GCFC2: variants seen among roughly 807,000 people sequenced by gnomAD.
The protein encoded by GCFC2 is GC-rich sequence DNA-binding factor 2, also known as intron Large complex component GCFC2.
GCFC2 carries 102 observed loss-of-function variants against 99.4 expected under a neutral mutation model. The observed-to-expected ratio is 1.03, with a 90% CI of 0.87 to 1.21. The LOEUF is 1.21. Among genes scored for constraint, GCFC2 ranks in the 50% most tolerant of loss-of-function variants. The pLI is 0.00. For synonymous variants in GCFC2, 338 were observed against 316.8 expected (o/e 1.07, Z -0.71); for missense variants, 973 against 920.9 (o/e 1.06, Z -0.73).
chr2:75,664,829 G>A (rs879379302), intron 16 of GCFC2, 46 bp from the exon 17 acceptor site: 1 of 852,502 alleles, frequency 1.2e-6, no homozygotes, highest in Non-Finnish European at 2.0e-6. Flanking sequence ...CAATGTATGA[G>A]GGAACAGCGG....
rs1311489806 is a variant in GCFC2, at chr2:75,701,294, G to GA, written c.620-8dup. ...GTTTCTTCATTTCTGCTTACTAGCGGAAAAAAAGCTCACATGTAAACGTTT... is the reference window on the plus strand; with the variant it reads ...GTTTCTTCATTTCTGCTTACTAGCGGAAAAAAAAGCTCACATGTAAACGTTT... On this transcript the variant is annotated splice_region_variant and splice_polypyrimidine_tract_variant and intron_variant, in intron 3 of 16. Transcript: ENST00000321027. The GA allele has an allele frequency of 2.6e-6, 4 of 1,537,824 alleles. No individual in the cohort carries two copies. Among genetic ancestry groups the GA allele is most frequent in the Non-Finnish European group, 3.6e-6 (4 of 1,113,220 alleles).
intron 15 of GCFC2, among the ~76,000 whole-genome samples, chr2:75,666,310 T>G (rs1055089660): frequency 1.3e-5 from 2 of 152,204 alleles, no homozygotes; most frequent in African/African-American, 4.8e-5. Context: ...TTCTATATTC[T>G]TGTATTTGTG....
At chr2:75,687,755 A>G (rs1679882629) in intron 11 of GCFC2, 72 bp downstream of exon 11, 8 of 1,168,028 alleles carry the variant, frequency 6.8e-6, no homozygotes, top group South Asian at 2.7e-5. Context: ...CTTTGTGAAT[A>G]TAACAGAAAT....
rs2104401746 is a variant in GCFC2, at chr2:75,702,044, T to C, written c.619+155A>G. On this transcript the variant is annotated intron_variant, in intron 3 of 16. Transcript: ENST00000321027. The stretch of plus-strand genomic sequence containing the variant: ...AATAACATTTTGATACAGATACATC[T>C]TTTAGAGGTCACAATATCATGGACC... 1.2e-5 allele frequency: 17 copies of C among 1,429,616 alleles called. No individual in the cohort carries two copies. The South Asian group carries it at 2.5e-4, about 21-fold the overall frequency. 88.6% of individuals were successfully genotyped at this position (1,429,616 alleles called of 1,614,324 possible). A position where few individuals can be genotyped will look rare whatever the true frequency, so the allele number is the denominator to read the frequency against.
intron 11 of GCFC2, among the ~76,000 whole-genome samples, chr2:75,685,545 T>A (rs919279941): frequency 2.0e-5 from 3 of 152,120 alleles, no homozygotes; most frequent in Middle Eastern, 3.2e-3. Flanking sequence ...ACACTCTTAG[T>A]TTCCTGCCCA....
chr2:75,708,558 C>T (rs1267679576), intron 1 of GCFC2, among the ~76,000 whole-genome samples: 1 of 125,986 alleles, frequency 7.9e-6, no homozygotes, highest in Non-Finnish European at 1.6e-5. Context: ...GTCACCCAGG[C>T]TAGAGTGTAG....
intron 1 of GCFC2, among the ~76,000 whole-genome samples, chr2:75,709,676 TAGTA>T (rs1681040990): frequency 6.6e-6 from 1 of 152,186 alleles, no homozygotes; most frequent in Non-Finnish European, 1.5e-5. Flanking sequence ...ACTTGAAAAT[TAGTA>T]AGAGTAGATA....
At chr2:75,700,718 C>T (rs1348382504) in intron 4 of GCFC2, among the ~76,000 whole-genome samples, 2 of 152,104 alleles carry the variant, frequency 1.3e-5, no homozygotes, top group African/African-American at 4.8e-5. Flanking sequence ...ATAATATGCA[C>T]AGTGTAGTGG....
In GCFC2 at chr2:75,669,840, T is replaced by G. The variant is rs1679009996; in HGVS notation, c.2103+298A>C. 4 of 170,282 alleles carry G rather than the reference T, an allele frequency of 2.3e-5. No individual in the cohort carries two copies. In the Admixed American group the frequency reaches 2.4e-4, roughly 10 times the overall value. The allele number at this position is 170,282 out of a possible 1,614,324, so 10.5% of individuals were successfully genotyped here. On this transcript the variant is annotated intron_variant, in intron 15 of 16. Transcript: ENST00000321027. ...CCTGGGTTCAGGCGATTCTTCTGCCTCAGCCACCCAAGTAGCTGGGATTAC... is the reference window on the plus strand; with the variant it reads ...CCTGGGTTCAGGCGATTCTTCTGCCGCAGCCACCCAAGTAGCTGGGATTAC...
At chr2:75,675,520 G>T (rs1679293511) in intron 12 of GCFC2, among the ~76,000 whole-genome samples, 1 of 151,916 alleles carries the variant, frequency 6.6e-6, no homozygotes, top group Non-Finnish European at 1.5e-5. Context: ...AGGTGGGTGG[G>T]TCACTTGAGG....
intron 2 of GCFC2, 85 bp downstream of exon 2, chr2:75,706,438 T>C (rs1680866398): frequency 1.0e-5 from 9 of 864,726 alleles, no homozygotes; most frequent in Non-Finnish European, 1.6e-5. Context: ...CCCATGTCAC[T>C]AGAGTTTGTT....
chr2:75,711,589 T>A (rs539021537), upstream of GCFC2, among the ~76,000 whole-genome samples: 3 of 152,358 alleles, frequency 2.0e-5, no homozygotes, highest in African/African-American at 7.2e-5. Context: ...ACTCCATGTT[T>A]AGTGGCGTCA....
intron 6 of GCFC2, among the ~76,000 whole-genome samples, chr2:75,694,031 T>C (rs1396358919): frequency 6.6e-6 from 1 of 152,082 alleles, no homozygotes; most frequent in Non-Finnish European, 1.5e-5. Flanking sequence ...AAAATTTATA[T>C]ACAAAATTTT....
chr2:75,704,650 A>G (rs1025854518), intron 2 of GCFC2, among the ~76,000 whole-genome samples: 5 of 152,244 alleles, frequency 3.3e-5, no homozygotes, highest in African/African-American at 1.2e-4. Flanking sequence ...AACACTTTAC[A>G]ACCACTGCCT....
intron 11 of GCFC2, among the ~76,000 whole-genome samples, chr2:75,686,469 A>C (rs13391581): frequency 6.6e-6 from 1 of 152,068 alleles, no homozygotes; most frequent in South Asian, 2.1e-4. Context: ...TAGGCTGGGC[A>C]TGGTGACTCA....
intron 14 of GCFC2, 137 bp from the exon 15 acceptor site, chr2:75,670,421 A>G (rs1391932474): frequency 1.8e-6 from 1 of 542,774 alleles, no homozygotes; most frequent in Non-Finnish European, 3.3e-6. Context: ...TTTAGAATAC[A>G]ATATCTCTGA....
rs757679212 is a variant in GCFC2 at position 75,701,156 on chromosome 2, G to T, written c.717+34C>A. On this transcript the variant is annotated intron_variant, in intron 4 of 16. Transcript: ENST00000321027. ...GTGGTAATTTGTTATAGCAGCCACA[G>T]GAATCTAATACACATGGGATAAAAA... 9.2e-6 allele frequency: 10 copies of T among 1,088,486 alleles called. 1 individual carries two copies. The highest frequency in any genetic ancestry group is 2.1e-4 in the Middle Eastern group (1 of 4,772). The allele number at this position is 1,088,486 out of a possible 1,614,324, so 67.4% of individuals were successfully genotyped here. A position where few individuals can be genotyped will look rare whatever the true frequency, so the allele number is the denominator to read the frequency against.
intron 5 of GCFC2, among the ~76,000 whole-genome samples, chr2:75,695,396 A>G (rs911704004): frequency 3.3e-5 from 5 of 152,206 alleles, no homozygotes; most frequent in Non-Finnish European, 7.4e-5. Context: ...TAATTATGAT[A>G]TAACAACTAT....
Position 75,687,853 on chromosome 2 carries a change from T to C in GCFC2, c.1664A>G (p.Asn555Ser). Residue 555 changes from asparagine (N) to serine (S), a missense_variant, in exon 11 of 17, where the codon AAC becomes AGC. Transcript: ENST00000321027. Reference protein sequence around the residue: ...SDKKVLSAIINKTIIPRLTDF... With the variant: ...SDKKVLSAIISKTIIPRLTDF... ...TGTAAGTCGGGGAATAATTGTTTTG[T>C]TGATGATTGCAGACAAGACTTTTTT... 1.9e-6 allele frequency: 3 copies of C among 1,605,864 alleles called. No individual in the cohort carries two copies. The highest frequency in any genetic ancestry group is 2.5e-6 in the Non-Finnish European group (3 of 1,176,916).
Sources: allele counts gnomAD v4.1 joint callset (sites outside exome capture counted in the v4.1 genomes callset), GRCh38; gene constraint gnomAD v4.1.1; transcripts MANE v1.5; gene names NCBI Gene and HGNC (gene_info 2026-07-23, HGNC 2026-07-21).